The following PRB4 variants were observed in gnomAD, a reference collection of about 807,000 sequenced individuals.
PRB4 encodes the protein proline rich protein BstNI subfamily 4, also known as basic salivary proline-rich protein 4.
PRB4 carries 14 observed loss-of-function variants against 9.1 expected under a neutral mutation model. That is an observed-to-expected ratio of 1.54 (90% CI 1.02 to 2.41). The LOEUF (loss-of-function observed/expected upper bound fraction) is 2.41. PRB4 is among the 30% of genes most tolerant of loss of function. PRB4 has a pLI of 0.00. For synonymous variants in PRB4, 102 were observed against 108.5 expected (o/e 0.94, Z 0.37); for missense variants, 381 against 299.3 (o/e 1.27, Z -2.02).
chr12:11,308,025 C>A (rs1242967461), intron 3 of PRB4, among the ~76,000 whole-genome samples, 196 bp downstream of exon 3: 3 of 152,200 alleles, frequency 2.0e-5, no homozygotes, highest in Admixed American at 6.5e-5. Flanking sequence ...TGTTGTTTCT[C>A]AACATCAGAA....
At position 11,309,395 on chromosome 12, in the gene PRB4, C is replaced by T; in HGVS notation, c.75G>A (p.Gln25=). ...SAESSSEDVS[Q]EESLFLISGK... ...CTGATATTAGGAAGAGAGATTCTTC[C>T]TGGCTGACATCTAGAAGAGAAGCAC... The change falls in exon 2 of 4, where the codon CAG becomes CAA. Residue 25 remains glutamine, a synonymous_variant. Transcript: ENST00000279575. 6.2e-7 allele frequency: 1 copy of T among 1,614,112 alleles called. No individual in the cohort carries two copies. The highest frequency in any genetic ancestry group is 8.5e-7 in the Non-Finnish European group (1 of 1,179,986).
At chr12:11,310,132 A>G (rs2136611391) in intron 1 of PRB4, among the ~76,000 whole-genome samples, 1 of 152,318 alleles carries the variant, frequency 6.6e-6, no homozygotes, top group South Asian at 2.1e-4. Context: ...TTCCCCTGGA[A>G]CAAATTCGTT....
In PRB4 at chr12:11,308,843, G is replaced by A. The variant is rs746309964; in HGVS notation, c.140C>T (p.Pro47Leu). Residue 47 changes from proline to leucine, a missense_variant, in exon 3 of 4, where the codon CCC (proline) becomes CTC (leucine). This residue lies in a region of PRB4 where 151 missense variants were observed against 105.8 expected (regional missense o/e 1.43). Transcript: ENST00000279575. The part of the protein sequence containing the change: ...EGRRPQGGNQ[P>L]QRPPPPPGKP... ...TCCTGGAGGAGGTGGGGGACGTTGG[G>A]GCTGGTTTCCTCCTTGTGGGCGTCG... is the stretch of plus-strand genomic sequence containing the variant. The A allele has an allele frequency of 6.3e-7, 1 of 1,589,908 alleles. No homozygotes were observed.
chr12:11,309,807 A>G (rs1461708236), intron 1 of PRB4, among the ~76,000 whole-genome samples: 1 of 152,306 alleles, frequency 6.6e-6, no homozygotes, highest in South Asian at 2.1e-4. Flanking sequence ...AATCTAACCC[A>G]TTCCACTCCC....
chr12:11,309,682 C>T (rs1235085236), intron 1 of PRB4, among the ~76,000 whole-genome samples: 2 of 152,130 alleles, frequency 1.3e-5, no homozygotes, highest in African/African-American at 4.8e-5. Context: ...TTTATGCATG[C>T]CAGGTACTTC....
intron 1 of PRB4, 57 bp from the exon 2 acceptor site, chr12:11,309,462 C>A (rs1161098039): frequency 6.2e-7 from 1 of 1,613,754 alleles, no homozygotes; most frequent in South Asian, 1.1e-5. Context: ...TCAAGACTCA[C>A]AAGTGTTCTA....
At position 11,308,479 on chromosome 12, in the gene PRB4, C is replaced by CT; in HGVS notation, c.503dup (p.Glu169GlyfsTer82). 6.2e-7 allele frequency: 1 copy of CT among 1,604,134 alleles called. No homozygotes were observed. Among genetic ancestry groups the CT allele is most frequent in the Middle Eastern group, 1.7e-4 (1 of 5,998 alleles). On this transcript the variant is annotated frameshift_variant, in exon 3 of 4. Transcript: ENST00000279575. LOFTEE classifies it low-confidence loss of function (END_TRUNC). ...GGGCACTTCGGGACTTGTTTCCTTC[C>CT]TGTGGGGGTGGTCCTTCTGGCTTTC...
At position 11,308,853 on chromosome 12, in the gene PRB4, C is replaced by A. The variant is rs772796303; in HGVS notation, c.130G>T (p.Gly44Ter). The change falls in exon 3 of 4, where the codon GGA becomes TGA. Residue 44 changes from glycine to a stop codon, truncating the protein, a stop_gained. Coordinates refer to ENST00000279575, the MANE Select transcript of PRB4 (RefSeq NM_002723.6). LOFTEE classifies it high-confidence loss of function. The stretch of plus-strand genomic sequence containing the variant: ...GGTGGGGGACGTTGGGGCTGGTTTC[C>A]TCCTTGTGGGCGTCGTCCTTCTGGC... ...GKPEGRRPQGGNQPQRPPPPP... is the reference protein window; with the variant it reads ...GKPEGRRPQG 1 of 1,592,220 alleles carries A rather than the reference C, an allele frequency of 6.3e-7. No individual in the cohort carries two copies. The highest frequency in any genetic ancestry group is 1.7e-5 in the Admixed American group (1 of 57,930).
intron 1 of PRB4, 36 bp from the exon 2 acceptor site, chr12:11,309,441 A>C: frequency 6.2e-7 from 1 of 1,614,064 alleles, no homozygotes; most frequent in Non-Finnish European, 8.5e-7. Context: ...GAAATGTTAC[A>C]TCTCAAATCT....
rs769349821 is a variant in PRB4, at chr12:11,308,456, G to A, written c.527C>T (p.Ala176Val). ...TTGTGGCTTTCCTGGAGGAGATCGGGCACTTCGGGACTTGTTTCCTTCCTG... is the reference window on the plus strand; with the variant it reads ...TTGTGGCTTTCCTGGAGGAGATCGGACACTTCGGGACTTGTTTCCTTCCTG... ...PPQEGNKSRS[A>V]RSPPGKPQGP... The change falls in exon 3 of 4, where the codon GCC becomes GTC. Residue 176 changes from alanine (A) to valine (V), a missense_variant. Coordinates refer to ENST00000279575, the MANE Select transcript of PRB4 (RefSeq NM_002723.6). 2 of 1,613,762 alleles carry A rather than the reference G, an allele frequency of 1.2e-6. No individual in the cohort carries two copies. The highest frequency in any genetic ancestry group is 1.7e-6 in the Non-Finnish European group (2 of 1,179,958).
At chr12:11,309,498 C>T in intron 1 of PRB4, 93 bp from the exon 2 acceptor site, 3 of 1,605,736 alleles carry the variant, frequency 1.9e-6, no homozygotes, top group Non-Finnish European at 2.6e-6. Context: ...TCTCACCACA[C>T]CCCATGCATC....
In PRB4 at chr12:11,308,789, C is replaced by T; in HGVS notation, c.194G>A (p.Gly65Glu). The T allele has an allele frequency of 2.5e-6, 4 of 1,592,652 alleles. No homozygotes were observed. The highest frequency in any genetic ancestry group is 1.1e-5 in the South Asian group (1 of 89,826). The change falls in exon 3 of 4, where the codon GGA (glycine) becomes GAA (glutamate). Residue 65 changes from glycine (G) to glutamate (E), a missense_variant. Physicochemically the swap from Gly to Glu is moderately conservative, Grantham distance 98 (BLOSUM62 -2). Coordinates refer to ENST00000279575, the MANE Select transcript of PRB4 (RefSeq NM_002723.6). ...GKPQGPPPQG[G>E]NQSQGPPPPP... ...AGGTGGGGGACCTTGGGACTGGTTT[C>T]CTCCTTGTGGGGGTGGTCCTTGTGG...
chr12:11,309,175 A>G (rs934518676), intron 2 of PRB4, among the ~76,000 whole-genome samples, 195 bp downstream of exon 2: 1 of 152,180 alleles, frequency 6.6e-6, no homozygotes, highest in Non-Finnish European at 1.5e-5. Flanking sequence ...TAAGCCAAGC[A>G]TCTCTGACAT....
chr12:11,307,967 G>T (rs1329928362), intron 3 of PRB4, among the ~76,000 whole-genome samples: 2 of 152,058 alleles, frequency 1.3e-5, no homozygotes, highest in Admixed American at 6.5e-5. Context: ...GAATGAACAT[G>T]GTACTACCTC....
At position 11,308,503 on chromosome 12, in the gene PRB4, T is replaced by C; in HGVS notation, c.480A>G (p.Gly160=). Residue 160 remains glycine (G), a synonymous_variant, in exon 3 of 4, where the codon GGA becomes GGG. Coordinates refer to ENST00000279575, the MANE Select transcript of PRB4 (RefSeq NM_002723.6). ...NQSQGPPPHP[G]KPEGPPPQEG... is the part of the protein sequence containing the mutation. ...CCTGTGGGGGTGGTCCTTCTGGCTT[T>C]CCTGGATGAGGTGGGGGACCTTGGG... 6.3e-7 allele frequency: 1 copy of C among 1,598,286 alleles called. No homozygotes were observed. The highest frequency in any genetic ancestry group is 8.6e-7 in the Non-Finnish European group (1 of 1,167,892).
In PRB4 at chr12:11,308,273, G is replaced by T. The variant is rs1177240696; in HGVS notation, c.710C>A (p.Pro237His). 3.7e-6 allele frequency: 6 copies of T among 1,609,656 alleles called. No homozygotes were observed. In the African/African-American group the frequency reaches 4.0e-5, roughly 11 times the overall value. Reference sequence around the variant, plus strand: ...AGGCTGTTGTCCCTGGGCAGGTCTGGGTGGCCTGCCCCCTTGAGGAGGTGG... The same window carrying T: ...AGGCTGTTGTCCCTGGGCAGGTCTGTGTGGCCTGCCCCCTTGAGGAGGTGG... ...PPPPPQGGRP[P>H]RPAQGQQPPQ The change falls in exon 3 of 4, where the codon CCC (proline) becomes CAC (histidine). Residue 237 changes from proline to histidine, a missense_variant. Pro to His is a moderately conservative substitution (Grantham distance 77, BLOSUM62 -2). This residue lies in a region of PRB4 where 204 missense variants were observed against 134.4 expected (regional missense o/e 1.52). Transcript: ENST00000279575.
At position 11,309,966 on chromosome 12, in the gene PRB4, C is replaced by T. The variant is rs370870715; in HGVS notation, c.64+369G>A. ...GTGTATGTATCTCTATCATCAATGCCGACTGTCTGTACAGCAAGGCCACCA... is the reference window on the plus strand; with the variant it reads ...GTGTATGTATCTCTATCATCAATGCTGACTGTCTGTACAGCAAGGCCACCA... On this transcript the variant is annotated intron_variant, in intron 1 of 3. Transcript: ENST00000279575. Among the ~76,000 whole-genome samples the T allele has an allele frequency of 9.2e-5, 14 of 152,188 alleles. No individual in the cohort carries two copies. The East Asian group carries it at 1.2e-3, about 13-fold the overall frequency.
rs747416505 is a variant in PRB4, at chr12:11,308,454, G to C, written c.529C>G (p.Arg177Gly). The C allele has an allele frequency of 1.2e-6, 2 of 1,613,810 alleles. No homozygotes were observed. The highest frequency in any genetic ancestry group is 1.7e-6 in the Non-Finnish European group (2 of 1,179,900). Residue 177 changes from arginine (R) to glycine (G), a missense_variant, in exon 3 of 4, where the codon CGA becomes GGA. This residue lies in a region of PRB4 where 204 missense variants were observed against 134.4 expected (regional missense o/e 1.52). Coordinates refer to ENST00000279575, the MANE Select transcript of PRB4 (RefSeq NM_002723.6). Reference protein sequence around the residue: ...PQEGNKSRSARSPPGKPQGPP... With the variant: ...PQEGNKSRSAGSPPGKPQGPP... ...CCTTGTGGCTTTCCTGGAGGAGATC[G>C]GGCACTTCGGGACTTGTTTCCTTCC...
intron 2 of PRB4, 67 bp downstream of exon 2, chr12:11,309,303 G>A (rs1004420723): frequency 1.2e-6 from 2 of 1,611,456 alleles, no homozygotes; most frequent in South Asian, 1.1e-5. Flanking sequence ...AGAAGACACT[G>A]GAGAAATGAT....
Sources: allele counts gnomAD v4.1 joint callset (sites outside exome capture counted in the v4.1 genomes callset), GRCh38; gene constraint gnomAD v4.1.1; regional missense constraint gnomAD v4.1.1; transcripts MANE v1.5; gene names NCBI Gene and HGNC (gene_info 2026-07-23, HGNC 2026-07-21).